The following DIMT1 variants were observed in gnomAD, a reference collection of about 807,000 sequenced individuals.
The protein encoded by DIMT1 is DIM1 rRNA methyltransferase and ribosome maturation factor.
Under a neutral mutation model 43.2 loss-of-function variants are expected in DIMT1, and 36 were observed. The observed-to-expected ratio is 0.83, with a 90% confidence interval of 0.64 to 1.10. The LOEUF (loss-of-function observed/expected upper bound fraction) is 1.10, where lower values mean the gene tolerates loss of function less well. Among genes scored for constraint, DIMT1 ranks in the 50% least tolerant of loss-of-function variants. The pLI is 0.00. For synonymous variants in DIMT1, 126 were observed against 130.3 expected, an observed-to-expected ratio of 0.97 and a Z score of 0.22; for missense variants, 341 against 385.3, an observed-to-expected ratio of 0.88 and a Z score of 0.96.
At position 62,390,951 on chromosome 5, in the gene DIMT1, T is replaced by A. The variant is rs148664994; in HGVS notation, c.824A>T (p.Lys275Ile). 1.9e-5 allele frequency: 31 copies of A among 1,612,942 alleles called. No individual in the cohort carries two copies. The highest frequency in any genetic ancestry group is 2.5e-5 in the Non-Finnish European group (30 of 1,179,916). Residue 275 changes from lysine (K) to isoleucine (I), a missense_variant, in exon 11 of 12, where the codon AAA becomes ATA. Coordinates refer to ENST00000199320, the MANE Select transcript of DIMT1 (RefSeq NM_014473.4). ...IIPEDFSIAD[K>I]IQQILTSTGF... is the part of the protein sequence containing the mutation. The stretch of plus-strand genomic sequence containing the variant: ...TGTGCTGGTTAGGATTTGCTGTATT[T>A]TATCTGCTATGCTGAAATCTTCTGG...
chr5:62,397,719 G>C (rs920934718), intron 6 of DIMT1, among the ~76,000 whole-genome samples: 1 of 151,962 alleles, frequency 6.6e-6, no homozygotes, highest in Admixed American at 6.6e-5. Context: ...CGCGATCTCG[G>C]CTCACTGCAA....
intron 6 of DIMT1, 51 bp from the exon 7 acceptor site, chr5:62,394,658 A>G (rs1333390342): frequency 1.2e-6 from 2 of 1,606,302 alleles, no homozygotes. Context: ...TCAACTATAA[A>G]TGAATTTTAA....
chr5:62,402,045 C>G lies in DIMT1; in HGVS notation c.231G>C (p.Lys77Asn). Residue 77 changes from lysine to asparagine, a missense_variant, in exon 3 of 12, where the codon AAG (lysine) becomes AAC (asparagine). Lys to Asn is a moderately conservative substitution (Grantham distance 94). Coordinates refer to ENST00000199320, the MANE Select transcript of DIMT1 (RefSeq NM_014473.4). The stretch of plus-strand genomic sequence containing the variant: ...TAAATCCCCTTTCTACCTTTTTTGC[C>G]TTTTCTAACAACTTTACAGTCATGT... The part of the protein sequence containing the change: ...TGNMTVKLLE[K>N]AKKVVACELD... 6.2e-7 allele frequency: 1 copy of G among 1,610,354 alleles called. No individual in the cohort carries two copies. Among genetic ancestry groups the G allele is most frequent in the Non-Finnish European group, 8.5e-7 (1 of 1,178,846 alleles).
intron 6 of DIMT1, among the ~76,000 whole-genome samples, chr5:62,395,942 G>C (rs1026438038): frequency 6.6e-6 from 1 of 152,068 alleles, no homozygotes; most frequent in South Asian, 2.1e-4. Flanking sequence ...GCCCAGGGAG[G>C]CTGAGGTTGC....
intron 6 of DIMT1, 131 bp downstream of exon 6, chr5:62,398,380 T>C (rs2112049653): frequency 1.1e-6 from 1 of 896,486 alleles, no homozygotes; most frequent in African/African-American, 1.7e-5. Context: ...AAGACCTCCA[T>C]ACAAATCAAC....
intron 9 of DIMT1, among the ~76,000 whole-genome samples, chr5:62,392,459 A>G (rs563961928): frequency 2.0e-5 from 3 of 152,244 alleles, no homozygotes; most frequent in Admixed American, 2.0e-4. Flanking sequence ...CAAAATCCTA[A>G]TACCTCTTAA....
intron 10 of DIMT1, 23 bp downstream of exon 10, chr5:62,392,148 T>G: frequency 6.2e-7 from 1 of 1,608,068 alleles, no homozygotes. Context: ...TCAATGAAAC[T>G]GCAGGAACAT....
At chr5:62,403,545 G>A (rs930809333) in intron 1 of DIMT1, 149 bp downstream of exon 1, 73 of 1,009,180 alleles carry the variant, frequency 7.2e-5, no homozygotes, top group Non-Finnish European at 1.0e-4. Context: ...AGGGCCTGCG[G>A]CCGAGTCGGG....
chr5:62,393,051 C>T, intron 8 of DIMT1, 61 bp from the exon 9 acceptor site: 1 of 1,123,530 alleles, frequency 8.9e-7, no homozygotes, highest in Non-Finnish European at 1.3e-6. Flanking sequence ...TCTATGCCCA[C>T]TAGGTATTAT....
chr5:62,402,635 A>G (rs1742747167), intron 2 of DIMT1, among the ~76,000 whole-genome samples: 1 of 152,206 alleles, frequency 6.6e-6, no homozygotes, highest in South Asian at 2.1e-4. Flanking sequence ...AAAAGGTTAA[A>G]ATAGTACATG....
intron 6 of DIMT1, among the ~76,000 whole-genome samples, chr5:62,395,497 T>C (rs1742453604): frequency 2.0e-5 from 3 of 152,180 alleles, no homozygotes. Flanking sequence ...GTATATGTGT[T>C]TATATTGTAT....
chr5:62,403,467 C>T (rs1742784029), intron 1 of DIMT1, 121 bp from the exon 2 acceptor site: 2 of 1,036,866 alleles, frequency 1.9e-6, no homozygotes, highest in East Asian at 5.0e-5. Context: ...CACGAAACGT[C>T]ACGCCAGGAC....
chr5:62,398,778 C>T (rs201458084), intron 4 of DIMT1, 39 bp from the exon 5 acceptor site: 1 of 1,613,934 alleles, frequency 6.2e-7, no homozygotes, highest in East Asian at 2.2e-5. Flanking sequence ...AATGTTGTTT[C>T]ATGAGATTGA....
rs775533413 is a variant in DIMT1, at chr5:62,389,485, C to CA, written c.900-434dup. The stretch of plus-strand genomic sequence containing the variant: ...TGGGTGACAGAGCAAGACTCTGTCT[C>CA]AAAAAAAAAAAAAAAAGAAATGTTA... On this transcript the variant is annotated intron_variant, in intron 11 of 11. Transcript: ENST00000199320. Among the ~76,000 whole-genome samples, 365 of 75,812 alleles carry CA rather than the reference C, an allele frequency of 4.8e-3. 16 individuals carry two copies. The highest frequency in any genetic ancestry group is 0.038 in the East Asian group (93 of 2,426). 49.7% of individuals were successfully genotyped at this position (75,812 alleles called of 152,430 possible).
At chr5:62,392,523 C>T (rs1193467056) in intron 9 of DIMT1, among the ~76,000 whole-genome samples, 1 of 152,000 alleles carries the variant, frequency 6.6e-6, no homozygotes, top group African/African-American at 2.4e-5. Flanking sequence ...AAAAAATCTC[C>T]AAGCCCTGTA....
rs1298509597 is a variant in DIMT1, at chr5:62,403,852, G to A, written c.-80C>T. ...TAGCGTGAGAAAGCCACCACGTGGG[G>A]ATCGCCGCCACGCGCCGCCCGCACC... is the stretch of plus-strand genomic sequence containing the variant. On this transcript the variant is annotated 5_prime_UTR_variant, in exon 1 of 12. Transcript: ENST00000199320. 1.3e-5 allele frequency: 19 copies of A among 1,460,578 alleles called. No individual in the cohort carries two copies. Among genetic ancestry groups the A allele is most frequent in the Non-Finnish European group, 1.8e-5 (19 of 1,073,112 alleles). 90.5% of individuals were successfully genotyped at this position (1,460,578 alleles called of 1,614,324 possible). A position where few individuals can be genotyped will look rare whatever the true frequency, so the allele number is the denominator to read the frequency against.
At chr5:62,399,058 G>A (rs1400618974) in intron 3 of DIMT1, among the ~76,000 whole-genome samples, 177 bp from the exon 4 acceptor site, 1 of 152,246 alleles carries the variant, frequency 6.6e-6, no homozygotes, top group Non-Finnish European at 1.5e-5. Context: ...TGGGCCGGGT[G>A]CAGTGGCTCA....
intron 3 of DIMT1, among the ~76,000 whole-genome samples, chr5:62,399,576 G>A (rs1376657170): frequency 1.6e-4 from 24 of 149,362 alleles, no homozygotes; most frequent in African/African-American, 5.2e-4. Context: ...CCCTGGAGGC[G>A]GAGGTTGCCA....
Position 62,390,944 on chromosome 5 carries a change from C to T in DIMT1, c.831G>A (p.Gln277=), listed in dbSNP as rs994190323. 1.2e-6 allele frequency: 2 copies of T among 1,612,844 alleles called. No individual in the cohort carries two copies. Among genetic ancestry groups the T allele is most frequent in the East Asian group, 4.5e-5 (2 of 44,870 alleles). The change falls in exon 11 of 12, where the codon CAG becomes CAA. Residue 277 remains glutamine (Q), a synonymous_variant. Transcript: ENST00000199320. ...PEDFSIADKI[Q]QILTSTGFSD... is the part of the protein sequence containing the mutation. ...TAAAACCTGTGCTGGTTAGGATTTGCTGTATTTTATCTGCTATGCTGAAAT... is the reference window on the plus strand; with the variant it reads ...TAAAACCTGTGCTGGTTAGGATTTGTTGTATTTTATCTGCTATGCTGAAAT...
Sources: gnomAD v4.1 joint callset for allele counts (sites outside exome capture counted in the v4.1 genomes callset) on GRCh38, gnomAD v4.1.1 for gene constraint, MANE v1.5 for transcripts, NCBI Gene and HGNC (gene_info 2026-07-23, HGNC 2026-07-21) for gene names.